TBC1D31: variants seen among roughly 807,000 people sequenced by gnomAD.
TBC1D31 encodes WD repeat domain 67.
A neutral mutation model predicts 132.9 loss-of-function variants in TBC1D31; 99 were observed. The ratio of observed to expected loss-of-function variants is 0.74; its 90% CI spans 0.63 to 0.88. TBC1D31 has a LOEUF of 0.88. Ranked by LOEUF, TBC1D31 falls within the 40% of genes least tolerant of loss-of-function variation. The pLI is 0.00. For missense variants in TBC1D31, 1,134 were observed against 1,256.6 expected (o/e 0.90, Z 1.48); for synonymous variants, 385 against 419.4 (o/e 0.92, Z 1.00).
chr8:123,100,839 G>C lies in TBC1D31; in HGVS notation c.864G>C (p.Met288Ile), dbSNP rs771269366. ...GAGTACTAAGTCAAGATGGTATTATGAGATTTATCAATATGCAGACTTGTA... is the reference window on the plus strand; with the variant it reads ...GAGTACTAAGTCAAGATGGTATTATCAGATTTATCAATATGCAGACTTGTA... ...VLGVLSQDGI[M>I]RFINMQTCKL... Residue 288 changes from methionine (M) to isoleucine (I), a missense_variant, in exon 7 of 22, where the codon ATG becomes ATC. By Grantham distance (10) the Met-to-Ile change is conservative. Coordinates refer to ENST00000287380, the MANE Select transcript of TBC1D31 (RefSeq NM_145647.4). 3 of 1,613,778 alleles carry C rather than the reference G, an allele frequency of 1.9e-6. No individual in the cohort carries two copies. In the South Asian group the frequency reaches 3.3e-5, roughly 18 times the overall value.
chr8:123,161,791 C>T, the TBC1D31 span, among the ~76,000 whole-genome samples: 7 of 151,812 alleles, frequency 4.6e-5, no homozygotes, highest in African/African-American at 1.5e-4. Context: ...CCGAGGCGGG[C>T]GGATCACCTG....
At chr8:123,100,183 G>A (rs936530111) in intron 6 of TBC1D31, among the ~76,000 whole-genome samples, 1 of 152,066 alleles carries the variant, frequency 6.6e-6, no homozygotes, top group Admixed American at 6.5e-5. Context: ...AAGATTCTTA[G>A]GGCACCTTTC....
intron 21 of TBC1D31, among the ~76,000 whole-genome samples, chr8:123,150,946 G>T (rs1586753502): frequency 2.0e-5 from 3 of 152,158 alleles, no homozygotes; most frequent in African/African-American, 7.2e-5. Flanking sequence ...GTCCCAAAAA[G>T]ACGAGCTTTA....
chr8:123,118,265 T>TC (rs36096500), intron 10 of TBC1D31, among the ~76,000 whole-genome samples: 90,441 of 151,968 alleles, frequency 0.6, 27,341 homozygotes, highest in African/African-American at 0.68. Context: ...GTGAATAGCA[T>TC]GTGCCAGTGT....
rs1270128679 is a variant in TBC1D31, at chr8:123,126,539, T to C, written c.1736T>C (p.Phe579Ser). 6.2e-7 allele frequency: 1 copy of C among 1,614,134 alleles called. No individual in the cohort carries two copies. Among genetic ancestry groups the C allele is most frequent in the Admixed American group, 1.7e-5 (1 of 60,002 alleles). Residue 579 changes from phenylalanine (F) to serine (S), a missense_variant, in exon 13 of 22, where the codon TTC (phenylalanine) becomes TCC (serine). Physicochemically the swap from Phe to Ser is radical, Grantham distance 155. Coordinates refer to ENST00000287380, the MANE Select transcript of TBC1D31 (RefSeq NM_145647.4). Reference protein sequence around the residue: ...LYAWPLLETVFSEVLTREEWL... With the variant: ...LYAWPLLETVSSEVLTREEWL... ...GCATGGCCTCTTCTTGAAACTGTGT[T>C]CTCAGAAGTGCTGACAAGAGAGGAG...
chr8:123,108,871 G>C (rs1818191430), intron 8 of TBC1D31, among the ~76,000 whole-genome samples: 1 of 152,160 alleles, frequency 6.6e-6, no homozygotes, highest in African/African-American at 2.4e-5. Flanking sequence ...GAAGGAGAGA[G>C]AGGAATATGT....
At chr8:123,116,749 C>T (rs752445869) in intron 10 of TBC1D31, among the ~76,000 whole-genome samples, 2 of 152,088 alleles carry the variant, frequency 1.3e-5, no homozygotes, top group African/African-American at 2.4e-5. Context: ...CACAAGGGCA[C>T]GTGACTCAAC....
intron 2 of TBC1D31, among the ~76,000 whole-genome samples, chr8:123,079,673 T>C (rs1482271900): frequency 6.6e-6 from 1 of 152,222 alleles, no homozygotes; most frequent in Non-Finnish European, 1.5e-5. Flanking sequence ...TTTCCTATTC[T>C]CCACCAAGTG....
At chr8:123,142,544 C>G in intron 19 of TBC1D31, 88 bp downstream of exon 19, 1 of 1,144,442 alleles carries the variant, frequency 8.7e-7, no homozygotes. Flanking sequence ...GTTGTACAGC[C>G]TCGAAATTCA....
At chr8:123,098,223 C>T (rs1032953581) in intron 6 of TBC1D31, among the ~76,000 whole-genome samples, 1 of 152,180 alleles carries the variant, frequency 6.6e-6, no homozygotes, top group African/African-American at 2.4e-5. Flanking sequence ...GTTCACCTCC[C>T]CCCATATCCA....
In TBC1D31 at chr8:123,080,781, C is replaced by T. The variant is rs1359417780; in HGVS notation, c.225-1921C>T. Among the ~76,000 whole-genome samples the T allele has an allele frequency of 2.6e-5, 4 of 152,218 alleles. 1 individual carries two copies. The South Asian group carries it at 6.2e-4, about 24-fold the overall frequency. Reference sequence around the variant, plus strand: ...CGATCTCCTGACCTCGTGATCCGCCCGCCTAGGCCTCCCAAAGTGTTGGGA... The same window carrying T: ...CGATCTCCTGACCTCGTGATCCGCCTGCCTAGGCCTCCCAAAGTGTTGGGA... On this transcript the variant is annotated intron_variant, in intron 2 of 21. Coordinates refer to ENST00000287380, the MANE Select transcript of TBC1D31 (RefSeq NM_145647.4).
At chr8:123,120,496 AC>A (rs1563725787) in intron 11 of TBC1D31, among the ~76,000 whole-genome samples, 1 of 152,074 alleles carries the variant, frequency 6.6e-6, no homozygotes, top group Non-Finnish European at 1.5e-5. Context: ...ACGTGGTGAA[AC>A]CCTGTCTCTA....
chr8:123,086,143 A>G (rs16897946), intron 4 of TBC1D31, among the ~76,000 whole-genome samples: 1,592 of 152,146 alleles, frequency 0.01, 28 homozygotes, highest in African/African-American at 0.036. Flanking sequence ...GTGATTTCCT[A>G]TATGACATCC....
intron 16 of TBC1D31, among the ~76,000 whole-genome samples, chr8:123,131,372 A>C (rs1428389678): frequency 6.6e-6 from 1 of 151,124 alleles, no homozygotes; most frequent in Non-Finnish European, 1.5e-5. Flanking sequence ...TCAAAAAAAA[A>C]AAAAAAAAAA....
chr8:123,100,769 TCA>T, intron 6 of TBC1D31, 36 bp from the exon 7 acceptor site: 1 of 1,516,790 alleles, frequency 6.6e-7, no homozygotes, highest in Non-Finnish European at 9.1e-7. Flanking sequence ...ACATTGACTA[TCA>T]CATGTTTTTA....
intron 17 of TBC1D31, among the ~76,000 whole-genome samples, chr8:123,140,008 C>T (rs915290838): frequency 9.2e-5 from 14 of 152,246 alleles, no homozygotes; most frequent in African/African-American, 3.4e-4. Context: ...TGAAGGATCT[C>T]CGTCCAACCC....
intron 2 of TBC1D31, among the ~76,000 whole-genome samples, chr8:123,080,015 C>T (rs1035883962): frequency 6.6e-5 from 10 of 152,112 alleles, no homozygotes; most frequent in African/African-American, 1.7e-4. Flanking sequence ...AATAATTTTT[C>T]CTCTACCCTT....
chr8:123,124,175 G>A (rs967118173), intron 11 of TBC1D31, among the ~76,000 whole-genome samples: 33 of 152,072 alleles, frequency 2.2e-4, no homozygotes, highest in Admixed American at 2.0e-4. Context: ...AGCACTGCTG[G>A]GATATGCCAT....
intron 5 of TBC1D31, among the ~76,000 whole-genome samples, chr8:123,094,527 A>G (rs1309501136): frequency 6.0e-5 from 9 of 151,002 alleles, no homozygotes; most frequent in Non-Finnish European, 1.3e-4. Flanking sequence ...TTATTTATTT[A>G]TTTATTTATT....
Sources: gnomAD v4.1 joint callset for allele counts (sites outside exome capture counted in the v4.1 genomes callset) on GRCh38, gnomAD v4.1.1 for gene constraint, MANE v1.5 for transcripts, NCBI Gene and HGNC (gene_info 2026-07-23, HGNC 2026-07-21) for gene names.